The following KRT80 variants were observed in gnomAD, a reference collection of about 807,000 sequenced individuals.
The protein encoded by KRT80 is keratin, type II cytoskeletal 80.
Under a neutral mutation model 51.5 loss-of-function variants are expected in KRT80, and 36 were observed. The ratio of observed to expected loss-of-function variants is 0.70; its 90% CI spans 0.54 to 0.92. KRT80 has a LOEUF of 0.92. Ranked by LOEUF, KRT80 falls within the 40% of genes least tolerant of loss-of-function variation. The probability of loss-of-function intolerance (pLI) is 0.00; values close to 1 mark genes in which losing one functional copy is unlikely to be tolerated. For missense variants in KRT80, 566 were observed against 591.7 expected (o/e 0.96, Z 0.45); for synonymous variants, 235 against 248.3 (o/e 0.95, Z 0.50).
At chr12:52,173,428 C>T (rs1014966623) in intron 5 of KRT80, among the ~76,000 whole-genome samples, 172 bp downstream of exon 5, 2 of 152,098 alleles carry the variant, frequency 1.3e-5, no homozygotes, top group Non-Finnish European at 2.9e-5. Context: ...AGGGCACAGA[C>T]CAGCTTCTGT....
At chr12:52,187,295 C>A (rs183160727) in intron 1 of KRT80, among the ~76,000 whole-genome samples, 4 of 152,222 alleles carry the variant, frequency 2.6e-5, no homozygotes, top group African/African-American at 7.2e-5. Context: ...TCGTAGCCTG[C>A]GAGAGCTGCC....
intron 6 of KRT80, among the ~76,000 whole-genome samples, chr12:52,172,634 G>A (rs572880619): frequency 4.3e-4 from 66 of 152,306 alleles, no homozygotes; most frequent in Non-Finnish European, 4.4e-5. Flanking sequence ...AGCACCGCAA[G>A]CCACTAAAGG....
rs148980872 is a variant in KRT80, at chr12:52,173,620, C to G, written c.811G>C (p.Glu271Gln). 9.9e-6 allele frequency: 16 copies of G among 1,612,624 alleles called. No homozygotes were observed. The highest frequency in any genetic ancestry group is 1.3e-5 in the African/African-American group (1 of 74,918). ...AVAARSLEEA[E>Q]AYSRSQLEEQ... is the part of the protein sequence containing the mutation. The stretch of plus-strand genomic sequence containing the variant: ...CCCACCTGGCTCCGAGAGTATGCCT[C>G]GGCCTCCTCCAGGCTGCGAGCCGCG... The change falls in exon 5 of 9, where the codon GAG (glutamate) becomes CAG (glutamine). Residue 271 changes from glutamate to glutamine, a missense_variant. Transcript: ENST00000394815.
chr12:52,173,723 C>T lies in KRT80; in HGVS notation c.708G>A (p.Val236=), dbSNP rs1565692366. 2 of 1,612,354 alleles carry T rather than the reference C, an allele frequency of 1.2e-6. No individual in the cohort carries two copies. Among genetic ancestry groups the T allele is most frequent in the East Asian group, 2.2e-5 (1 of 44,884 alleles). The change falls in exon 5 of 9, where the codon GTG becomes GTA. Residue 236 remains valine, a synonymous_variant. Coordinates refer to ENST00000394815, the MANE Select transcript of KRT80 (RefSeq NM_182507.3). ...DLAAQVKDVS[V]TVGMDSRCHI... is the part of the protein sequence containing the mutation. ...GGCAGCGGCTGTCCATGCCGACGGT[C>T]ACCGACACATCCTTCACCTGTGCTG...
rs1311027430 is a variant in KRT80 at position 52,185,556 on chromosome 12, A to G, written c.332T>C (p.Leu111Pro). ...VQALEQRNQLLETRWSFLQGQ... is the reference protein window; with the variant it reads ...VQALEQRNQLPETRWSFLQGQ... ...CTGCAGGAAGCTCCAGCGTGTCTCC[A>G]GCAGCTGGTTGCGCTGTTCCAGGGC... The change falls in exon 2 of 9, where the codon CTG (leucine) becomes CCG (proline). Residue 111 changes from leucine (L) to proline (P), a missense_variant. Coordinates refer to ENST00000394815, the MANE Select transcript of KRT80 (RefSeq NM_182507.3). 36 of 1,611,478 alleles carry G rather than the reference A, an allele frequency of 2.2e-5. No individual in the cohort carries two copies. The highest frequency in any genetic ancestry group is 3.0e-5 in the Non-Finnish European group (35 of 1,179,984).
chr12:52,185,867 G>A (rs1941397309), intron 1 of KRT80: 17 of 516,182 alleles, frequency 3.3e-5, no homozygotes, highest in Non-Finnish European at 5.8e-5. Flanking sequence ...GTAAGAGGGT[G>A]TGAGAGTGCC....
chr12:52,174,690 C>T (rs1326298019), intron 4 of KRT80, among the ~76,000 whole-genome samples: 1 of 152,244 alleles, frequency 6.6e-6, no homozygotes, highest in Non-Finnish European at 1.5e-5. Context: ...AGGGTGGGCC[C>T]CGGAGCCCCT....
chr12:52,171,510 G>T lies in KRT80; in HGVS notation c.1247C>A (p.Ser416Ter). 1 of 1,613,598 alleles carries T rather than the reference G, an allele frequency of 6.2e-7. No individual in the cohort carries two copies. Among genetic ancestry groups the T allele is most frequent in the Non-Finnish European group, 8.5e-7 (1 of 1,179,732 alleles). Reference protein sequence around the residue: ...QSRCKTAASRSGLSKAPSRKK... With the variant: ...QSRCKTAASR ...TCGGGAGGGGGCCTTGGAGAGGCCT[G>T]ATCTGGAGGCAGCTACAGGGAACAT... Residue 416 changes from serine (S) to a stop codon, truncating the protein, a stop_gained, in exon 9 of 9, where the codon TCA becomes TAA. Transcript: ENST00000394815. LOFTEE classifies it high-confidence loss of function.
At chr12:52,175,605 C>T (rs2120884924) in intron 4 of KRT80, among the ~76,000 whole-genome samples, 1 of 152,276 alleles carries the variant, frequency 6.6e-6, no homozygotes, top group South Asian at 2.1e-4. Context: ...CCACCAGCAC[C>T]TCCTGGTGAC....
At chr12:52,191,197 G>T (rs1334850766) in intron 1 of KRT80, among the ~76,000 whole-genome samples, 1 of 152,324 alleles carries the variant, frequency 6.6e-6, no homozygotes, top group East Asian at 1.9e-4. Context: ...ATAAACAGGA[G>T]CGTGGTGCCT....
At chr12:52,190,534 G>C (rs749395278) in intron 1 of KRT80, among the ~76,000 whole-genome samples, 3 of 152,248 alleles carry the variant, frequency 2.0e-5, no homozygotes, top group African/African-American at 4.8e-5. Context: ...GAGGAACACA[G>C]AATCAGAGGC....
Position 52,170,221 on chromosome 12 carries a change from T to C in KRT80, c.*1177A>G, listed in dbSNP as rs1941062463. On this transcript the variant is annotated 3_prime_UTR_variant, in exon 9 of 9. Transcript: ENST00000394815. ...CTCAAGGGCTTGGAAGCTCCCAGAC[T>C]TGCCTGGACTGTGCCTTCTTCCTGG... 1 of 152,516 alleles carries C rather than the reference T, an allele frequency of 6.6e-6. No homozygotes were observed. The highest frequency in any genetic ancestry group is 1.5e-5 in the Non-Finnish European group (1 of 68,302). 9.4% of individuals were successfully genotyped at this position (152,516 alleles called of 1,614,324 possible). A position where few individuals can be genotyped will look rare whatever the true frequency, so the allele number is the denominator to read the frequency against.
At chr12:52,189,054 CCA>C (rs1456204533) in intron 1 of KRT80, among the ~76,000 whole-genome samples, 2 of 152,174 alleles carry the variant, frequency 1.3e-5, no homozygotes, top group Admixed American at 6.5e-5. Flanking sequence ...GTGGAAGAAA[CCA>C]CAGTGTTCCA....
In KRT80 at chr12:52,171,241, A is replaced by G; in HGVS notation, c.*157T>C. On this transcript the variant is annotated 3_prime_UTR_variant, in exon 9 of 9. Coordinates refer to ENST00000394815, the MANE Select transcript of KRT80 (RefSeq NM_182507.3). Reference sequence around the variant, plus strand: ...GGTGATGCTCCTCTCCCACCCTGGCAGCCCACAAAACACAGTCAGTTTTGA... The same window carrying G: ...GGTGATGCTCCTCTCCCACCCTGGCGGCCCACAAAACACAGTCAGTTTTGA... 1 of 748,850 alleles carries G rather than the reference A, an allele frequency of 1.3e-6. No homozygotes were observed. The highest frequency in any genetic ancestry group is 1.9e-5 in the South Asian group (1 of 53,596). 46.4% of individuals were successfully genotyped at this position (748,850 alleles called of 1,614,324 possible).
intron 1 of KRT80, among the ~76,000 whole-genome samples, chr12:52,187,051 T>C (rs1158472202): frequency 6.6e-6 from 1 of 152,224 alleles, no homozygotes. Context: ...ACTTTCCCCA[T>C]CACACTGGGA....
At chr12:52,180,234 C>A (rs74873765) in intron 4 of KRT80, among the ~76,000 whole-genome samples, 1,836 of 152,330 alleles carry the variant, frequency 0.012, 37 homozygotes, top group African/African-American at 0.042. Flanking sequence ...TGGTCCCCAG[C>A]ATGCCCTCAG....
intron 4 of KRT80, 118 bp from the exon 5 acceptor site, chr12:52,173,882 C>T (rs1941168258): frequency 9.7e-7 from 1 of 1,033,452 alleles, no homozygotes; most frequent in East Asian, 2.6e-5. Flanking sequence ...CCTTCCTGTC[C>T]CTCTGGAGAG....
chr12:52,174,211 G>A (rs1183284329), intron 4 of KRT80, among the ~76,000 whole-genome samples: 5 of 152,216 alleles, frequency 3.3e-5, no homozygotes, highest in Non-Finnish European at 7.3e-5. Flanking sequence ...TGGACGAGCA[G>A]CTCCTTGTGG....
intron 2 of KRT80, among the ~76,000 whole-genome samples, chr12:52,184,153 C>T (rs7302973): frequency 0.16 from 24,463 of 152,176 alleles, 2,771 homozygotes; most frequent in East Asian, 0.5. Context: ...CCTGCCTGGA[C>T]GGCTGCTCTG....
Sources: gnomAD v4.1 joint callset for allele counts (sites outside exome capture counted in the v4.1 genomes callset) on GRCh38, gnomAD v4.1.1 for gene constraint, MANE v1.5 for transcripts, NCBI Gene and HGNC (gene_info 2026-07-23, HGNC 2026-07-21) for gene names.